The following ABI2 variants were observed in gnomAD, a reference collection of about 807,000 sequenced individuals.
ABI2 encodes abelson interactor 2.
ABI2 carries 25 observed loss-of-function variants against 59.2 expected under a neutral mutation model. The observed-to-expected ratio is 0.42, with a 90% CI of 0.31 to 0.59. The LOEUF is 0.59. Ranked by LOEUF, ABI2 falls within the 20% of genes least tolerant of loss-of-function variation. ABI2 has a pLI of 0.14. For synonymous variants in ABI2, 213 were observed against 235.5 expected, an observed-to-expected ratio of 0.90 and a Z score of 0.87; for missense variants, 545 against 681.8, an observed-to-expected ratio of 0.80 and a Z score of 2.23.
intron 1 of ABI2, among the ~76,000 whole-genome samples, chr2:203,336,666 C>T (rs1379893942): frequency 1.3e-5 from 2 of 152,168 alleles, no homozygotes; most frequent in African/African-American, 4.8e-5. Context: ...CACCTGGCTC[C>T]TTTTGTTTTA....
intron 9 of ABI2, among the ~76,000 whole-genome samples, chr2:203,403,742 GTTTTTTTTT>G (rs56123341): frequency 4.2e-5 from 4 of 95,302 alleles, no homozygotes; most frequent in East Asian, 3.0e-4. Context: ...CTTTCTTTCT[GTTTTTTTTT>G]TTTTTTTTTT....
intron 4 of ABI2, among the ~76,000 whole-genome samples, chr2:203,383,028 G>A (rs963309172): frequency 6.6e-6 from 1 of 152,018 alleles, no homozygotes; most frequent in Non-Finnish European, 1.5e-5. Context: ...TAAAATACAA[G>A]GTTACTACAA....
At chr2:203,329,281 G>A (rs972678267) in intron 1 of ABI2, 1 of 148,874 alleles carries the variant, frequency 6.7e-6, no homozygotes, top group African/African-American at 2.4e-5. Context: ...CTGGGGGTGG[G>A]AGGAGGACAG....
intron 7 of ABI2, among the ~76,000 whole-genome samples, chr2:203,396,305 T>A (rs975242254): frequency 2.6e-5 from 4 of 152,222 alleles, no homozygotes; most frequent in African/African-American, 7.2e-5. Flanking sequence ...GAATGTTACA[T>A]ACTTAATTTA....
At chr2:203,398,612 T>C (rs1213728952) in intron 8 of ABI2, among the ~76,000 whole-genome samples, 1 of 152,226 alleles carries the variant, frequency 6.6e-6, no homozygotes, top group Non-Finnish European at 1.5e-5. Context: ...TTGTGAGTTT[T>C]GGCAAAGGTG....
In ABI2 at chr2:203,402,740, T is replaced by C. The variant is rs2097271103; in HGVS notation, c.1192+6T>C. 6.4e-7 allele frequency: 1 copy of C among 1,552,048 alleles called. No homozygotes were observed. The highest frequency in any genetic ancestry group is 8.6e-7 in the Non-Finnish European group (1 of 1,157,450). On this transcript the variant is annotated splice_donor_region_variant and intron_variant, in intron 9 of 11. Coordinates refer to ENST00000261018, the MANE Select transcript of ABI2 (RefSeq NM_001375670.1). ...TTTTTATAGCCAGAATCCAGGTTAGTTTTTTTGTTTTTTTGCATTCTATAG... is the reference window on the plus strand; with the variant it reads ...TTTTTATAGCCAGAATCCAGGTTAGCTTTTTTGTTTTTTTGCATTCTATAG...
chr2:203,408,833 C>CTTTTTTT lies in ABI2; in HGVS notation c.1193-2442_1193-2436dup, dbSNP rs1156536730. Among the ~76,000 whole-genome samples, 7 of 87,210 alleles carry CTTTTTTT rather than the reference C, an allele frequency of 8.0e-5. 1 individual carries two copies. Among genetic ancestry groups the CTTTTTTT allele is most frequent in the Admixed American group, 4.8e-4 (3 of 6,236 alleles). The allele number at this position is 87,210 out of a possible 152,430, so 57.2% of individuals were successfully genotyped here. Reference sequence around the variant, plus strand: ...TTTTGTCTATGCTACCTTCTCCTTTCTTTTTTTTTTTTTTTTGAGACGGAG... The same window carrying CTTTTTTT: ...TTTTGTCTATGCTACCTTCTCCTTTCTTTTTTTTTTTTTTTTTTTTTTTGAGACGGAG... On this transcript the variant is annotated intron_variant, in intron 9 of 11. Coordinates refer to ENST00000261018, the MANE Select transcript of ABI2 (RefSeq NM_001375670.1).
intron 1 of ABI2, among the ~76,000 whole-genome samples, chr2:203,347,216 A>G (rs1050203169): frequency 3.3e-5 from 5 of 152,210 alleles, no homozygotes; most frequent in African/African-American, 7.2e-5. Context: ...TGGTCAAACC[A>G]TAGAAGTGAG....
At chr2:203,383,316 G>T (rs963611999) in intron 4 of ABI2, 3 of 154,780 alleles carry the variant, frequency 1.9e-5, no homozygotes, top group Non-Finnish European at 4.4e-5. Context: ...CAAATCCTCA[G>T]TCATGGTGAG....
Position 203,395,708 on chromosome 2 carries a change from G to C in ABI2, c.778G>C (p.Glu260Gln). The C allele has an allele frequency of 6.2e-7, 1 of 1,612,462 alleles. No homozygotes were observed. Among genetic ancestry groups the C allele is most frequent in the Non-Finnish European group, 8.5e-7 (1 of 1,179,332 alleles). The change falls in exon 7 of 12, where the codon GAG becomes CAG. Residue 260 changes from glutamate to glutamine, a missense_variant. By Grantham distance (29) the Glu-to-Gln change is conservative (BLOSUM62 2). Coordinates refer to ENST00000261018, the MANE Select transcript of ABI2 (RefSeq NM_001375670.1). ...SHPSSRSSSR[E>Q]NSGSGSVGVP... ...CCCAAGTAGTCGGAGCAGCAGTCGA[G>C]AGAACAGTGGAAGTGGTAGTGTGGG...
chr2:203,338,004 T>G (rs2077238917), intron 1 of ABI2, among the ~76,000 whole-genome samples: 1 of 152,210 alleles, frequency 6.6e-6, no homozygotes, highest in Non-Finnish European at 1.5e-5. Context: ...CACTCCATCC[T>G]GGGCAACAGA....
intron 1 of ABI2, among the ~76,000 whole-genome samples, chr2:203,347,778 T>C (rs2084647274): frequency 6.6e-6 from 1 of 152,158 alleles, no homozygotes; most frequent in African/African-American, 2.4e-5. Flanking sequence ...AGTTATTGGG[T>C]GTTGTTAATG....
chr2:203,352,138 A>G lies in ABI2; in HGVS notation c.118-14739A>G, dbSNP rs867207842. On this transcript the variant is annotated intron_variant, in intron 1 of 11. Coordinates refer to ENST00000261018, the MANE Select transcript of ABI2 (RefSeq NM_001375670.1). ...AATAAAGACACTGTGGTACTGGCAT[A>G]CAGATACACATATAGATGTAGCAGC... Among the ~76,000 whole-genome samples the G allele has an allele frequency of 3.3e-5, 5 of 152,232 alleles. No homozygotes were observed. The South Asian group carries it at 1.0e-3, about 32-fold the overall frequency.
At chr2:203,340,317 G>A (rs2079095940) in intron 1 of ABI2, among the ~76,000 whole-genome samples, 1 of 152,094 alleles carries the variant, frequency 6.6e-6, no homozygotes, top group Non-Finnish European at 1.5e-5. Flanking sequence ...CTAATGTACT[G>A]TGTAGTAACT....
At position 203,376,074 on chromosome 2, in the gene ABI2, A is replaced by G. The variant is rs1419260824; in HGVS notation, c.286-4134A>G. 3 of 1,535,080 alleles carry G rather than the reference A, an allele frequency of 2.0e-6. No homozygotes were observed. The South Asian group carries it at 3.6e-5, about 18-fold the overall frequency. On this transcript the variant is annotated intron_variant, in intron 2 of 11. Coordinates refer to ENST00000261018, the MANE Select transcript of ABI2 (RefSeq NM_001375670.1). ...ATACTTAGGCAAATTAGAGGCGTTG[A>G]TCTTGAGTCGACTTTTGTGACCAAA...
In ABI2 at chr2:203,399,618, C is replaced by T. The variant is rs537687024; in HGVS notation, c.1033+2651C>T. On this transcript the variant is annotated intron_variant, in intron 8 of 11. Coordinates refer to ENST00000261018, the MANE Select transcript of ABI2 (RefSeq NM_001375670.1). Reference sequence around the variant, plus strand: ...GCAATCTCCGCCTCGCGGGTTCAAGCGATTCTCCTGCCCAGCCTCCCAAAT... The same window carrying T: ...GCAATCTCCGCCTCGCGGGTTCAAGTGATTCTCCTGCCCAGCCTCCCAAAT... Among the ~76,000 whole-genome samples, 475 of 152,242 alleles carry T rather than the reference C, an allele frequency of 3.1e-3. 3 individuals are homozygous for T. Among genetic ancestry groups the T allele is most frequent in the Non-Finnish European group, 5.8e-3 (395 of 68,014 alleles).
chr2:203,422,954 A>G (rs948229888), intron 11 of ABI2, among the ~76,000 whole-genome samples: 1 of 152,240 alleles, frequency 6.6e-6, no homozygotes, highest in Admixed American at 6.5e-5. Flanking sequence ...TTCCATATAA[A>G]TAAAATGATG....
chr2:203,380,568 C>T (rs2096055186), intron 3 of ABI2, among the ~76,000 whole-genome samples, 184 bp downstream of exon 3: 1 of 152,010 alleles, frequency 6.6e-6, no homozygotes, highest in South Asian at 2.1e-4. Context: ...GTGATGTATT[C>T]TCAAGTTTTA....
At position 203,402,722 on chromosome 2, in the gene ABI2, AG is replaced by A; in HGVS notation, c.1181del (p.Ser394ThrfsTer17). ...QNQMNGGPFYSQNPVSLAPPP... is the reference protein window; with the variant it reads ...QNQMNGGPFYXQNPVSLAPPP... Reference sequence around the variant, plus strand: ...TCAGATGAATGGAGGACCTTTTTATAGCCAGAATCCAGGTTAGTTTTTTTGT... The same window carrying A: ...TCAGATGAATGGAGGACCTTTTTATACCAGAATCCAGGTTAGTTTTTTTGT... On this transcript the variant is annotated frameshift_variant, in exon 9 of 12. Coordinates refer to ENST00000261018, the MANE Select transcript of ABI2 (RefSeq NM_001375670.1). LOFTEE classifies it high-confidence loss of function. 6.3e-7 allele frequency: 1 copy of A among 1,587,718 alleles called. No homozygotes were observed.
Sources: allele counts gnomAD v4.1 joint callset (sites outside exome capture counted in the v4.1 genomes callset), GRCh38; gene constraint gnomAD v4.1.1; transcripts MANE v1.5; gene names NCBI Gene and HGNC (gene_info 2026-07-23, HGNC 2026-07-21).